Variants in DISP3 observed in about 807,000 individuals in gnomAD.
DISP3 encodes dispatched RND transporter family member 3.
A neutral mutation model predicts 135.3 loss-of-function variants in DISP3; 101 were observed. The ratio of observed to expected loss-of-function variants is 0.75; its 90% confidence interval spans 0.64 to 0.88. The LOEUF (loss-of-function observed/expected upper bound fraction) is 0.88. DISP3 is among the 40% of genes least tolerant of loss of function. DISP3 has a pLI of 0.00. For synonymous variants in DISP3, 856 were observed against 817.0 expected, an observed-to-expected ratio of 1.05 and a Z score of -0.81; for missense variants, 1,713 against 1,878.6, an observed-to-expected ratio of 0.91 and a Z score of 1.63.
Position 11,534,551 on chromosome 1 carries a change from GCCTCGCCCCTCCAT to G in DISP3, c.3535+15_3535+28del. 2 of 1,595,456 alleles carry G rather than the reference GCCTCGCCCCTCCAT, an allele frequency of 1.3e-6. No homozygotes were observed. The highest frequency in any genetic ancestry group is 1.7e-6 in the Non-Finnish European group (2 of 1,169,814). On this transcript the variant is annotated intron_variant, in intron 18 of 20. Coordinates refer to ENST00000294484, the MANE Select transcript of DISP3 (RefSeq NM_020780.2). ...TCATGGAAATCGTAGGCAAGCGGCA[GCCTCGCCCCTCCAT>G]CCTGGGTGGGCAGGAGGCAGAGGGA...
rs776043959 is a variant in DISP3, at chr1:11,523,929, C to T, written c.2363-13C>T. On this transcript the variant is annotated splice_polypyrimidine_tract_variant and intron_variant, in intron 10 of 20. Coordinates refer to ENST00000294484, the MANE Select transcript of DISP3 (RefSeq NM_020780.2). ...TGCTGTCCTGCTGTCCTTGACATGG[C>T]GCTGGGGGGCAGGTCTGTTCCAGGA... is the stretch of plus-strand genomic sequence containing the variant. 6.2e-6 allele frequency: 10 copies of T among 1,603,006 alleles called. No homozygotes were observed. Among genetic ancestry groups the T allele is most frequent in the African/African-American group, 2.7e-5 (2 of 74,744 alleles).
intron 1 of DISP3, among the ~76,000 whole-genome samples, chr1:11,497,740 A>G (rs1033365267): frequency 1.3e-5 from 2 of 152,178 alleles, no homozygotes; most frequent in African/African-American, 2.4e-5. Context: ...CCCACGTATC[A>G]GTGAGAACAT....
chr1:11,527,608 G>GTC (rs894284467), intron 13 of DISP3, among the ~76,000 whole-genome samples: 10 of 151,944 alleles, frequency 6.6e-5, no homozygotes, highest in Non-Finnish European at 1.5e-4. Flanking sequence ...GCTCAGATGG[G>GTC]TCTCTGCCCA....
intron 3 of DISP3, among the ~76,000 whole-genome samples, chr1:11,505,045 A>G (rs1641658020): frequency 2.0e-5 from 3 of 152,236 alleles, no homozygotes; most frequent in Admixed American, 2.0e-4. Context: ...GTTTTATCAC[A>G]GTGCTTCTCA....
At position 11,501,743 on chromosome 1, in the gene DISP3, C is replaced by T. The variant is rs781482486; in HGVS notation, c.751C>T (p.Arg251Ter). Residue 251 changes from arginine (R) to a stop codon, truncating the protein, a stop_gained, in exon 2 of 21, where the codon CGA becomes TGA. Coordinates refer to ENST00000294484, the MANE Select transcript of DISP3 (RefSeq NM_020780.2). LOFTEE classifies it high-confidence loss of function. This position sits in a 1 kb window ranked among gnomAD's most constrained non-coding sequence, Gnocchi z 4.9. ...AVAANQSRAR[R>*]GASRWDYSRA... Reference sequence around the variant, plus strand: ...CGCGGCCAATCAGAGCCGTGCCCGCCGAGGCGCCTCGCGCTGGGACTACTC... The same window carrying T: ...CGCGGCCAATCAGAGCCGTGCCCGCTGAGGCGCCTCGCGCTGGGACTACTC... 6.3e-7 allele frequency: 1 copy of T among 1,591,460 alleles called. No homozygotes were observed. The highest frequency in any genetic ancestry group is 8.6e-7 in the Non-Finnish European group (1 of 1,167,344).
Position 11,536,244 on chromosome 1 carries a change from T to C in DISP3, c.3817-80T>C. Reference sequence around the variant, plus strand: ...AACAGAGCAGGAACCTGGCGTGGGGTGGGGGTGCGTGATTCCCCAGGTGCT... The same window carrying C: ...AACAGAGCAGGAACCTGGCGTGGGGCGGGGGTGCGTGATTCCCCAGGTGCT... On this transcript the variant is annotated intron_variant, in intron 20 of 20. Transcript: ENST00000294484. This position sits in a 1 kb window ranked among gnomAD's most constrained non-coding sequence, Gnocchi z 4.3. 1 of 1,508,624 alleles carries C rather than the reference T, an allele frequency of 6.6e-7. No individual in the cohort carries two copies. The allele number at this position is 1,508,624 out of a possible 1,614,324, so 93.5% of individuals were successfully genotyped here.
intron 1 of DISP3, among the ~76,000 whole-genome samples, chr1:11,488,458 A>G (rs1641096215): frequency 6.6e-6 from 1 of 152,184 alleles, no homozygotes; most frequent in African/African-American, 2.4e-5. Context: ...GGGAGCCAGG[A>G]AGCCTTCCCT....
chr1:11,522,922 AAGGACCCAGCC>A (rs1315840465), intron 10 of DISP3, among the ~76,000 whole-genome samples: 3 of 22,644 alleles, frequency 1.3e-4, no homozygotes, highest in Admixed American at 4.0e-4. Context: ...AGGACCCAGC[AAGGACCCAGCC>A]AGGACCCAGC....
At chr1:11,497,316 T>C (rs951958487) in intron 1 of DISP3, among the ~76,000 whole-genome samples, 2 of 152,204 alleles carry the variant, frequency 1.3e-5, no homozygotes, top group Non-Finnish European at 2.9e-5. Flanking sequence ...CCAAGCAGTA[T>C]ACACTGCACC....
Position 11,501,994 on chromosome 1 carries a change from G to A in DISP3, c.1002G>A (p.Ser334=). ...DLPLGSYSYC[S]PPSSLMTYFF... ...CGCTGGGCTCCTACTCCTACTGCTC[G>A]CCCCCCAGCTCGCTCATGACCTACT... Residue 334 remains serine, a synonymous_variant, in exon 2 of 21, where the codon TCG becomes TCA. Coordinates refer to ENST00000294484, the MANE Select transcript of DISP3 (RefSeq NM_020780.2). The surrounding 1 kb of genome is among the most constrained non-coding windows in gnomAD (Gnocchi z 4.9). The A allele has an allele frequency of 6.2e-7, 1 of 1,613,630 alleles. No individual in the cohort carries two copies.
chr1:11,532,452 T>G (rs1642599763), intron 17 of DISP3, among the ~76,000 whole-genome samples: 4 of 152,208 alleles, frequency 2.6e-5, no homozygotes, highest in Admixed American at 2.6e-4. Context: ...AGAATCAATG[T>G]GACGGCTTAA....
Position 11,530,990 on chromosome 1 carries a change from C to G in DISP3, c.3186C>G (p.Asn1062Lys). 6.2e-7 allele frequency: 1 copy of G among 1,614,000 alleles called. No homozygotes were observed. The highest frequency in any genetic ancestry group is 8.5e-7 in the Non-Finnish European group (1 of 1,179,990). ...ACCTCTGCAAGGCCATCGCAGCCAA[C>G]TCCGAGCTGGTGAAGCCGGGTGGGG... ...LCHLCKAIAA[N>K]SELVKPGGAQ... Residue 1062 changes from asparagine to lysine, a missense_variant, in exon 16 of 21, where the codon AAC (asparagine) becomes AAG (lysine). Asn to Lys is a moderately conservative substitution (Grantham distance 94). Transcript: ENST00000294484.
chr1:11,517,858 G>C (rs1185200923), intron 7 of DISP3, among the ~76,000 whole-genome samples: 1 of 152,184 alleles, frequency 6.6e-6, no homozygotes, highest in East Asian at 1.9e-4. Context: ...TGGGAGCTGG[G>C]TTCTCTTGCT....
Position 11,535,664 on chromosome 1 carries a change from T to A in DISP3, c.3816+20T>A. On this transcript the variant is annotated intron_variant, in intron 20 of 20. Transcript: ENST00000294484. ...GCCGAGGTGCGCACCCTGCCCGCCTTACCCACTTCCCACCACATTGGGTCT... is the reference window on the plus strand; with the variant it reads ...GCCGAGGTGCGCACCCTGCCCGCCTAACCCACTTCCCACCACATTGGGTCT... The A allele has an allele frequency of 1.9e-6, 3 of 1,601,740 alleles. No individual in the cohort carries two copies. The highest frequency in any genetic ancestry group is 2.6e-6 in the Non-Finnish European group (3 of 1,175,136).
At chr1:11,526,944 C>CA in intron 13 of DISP3, 109 bp downstream of exon 13, 3 of 1,024,278 alleles carry the variant, frequency 2.9e-6, no homozygotes, top group Non-Finnish European at 4.0e-6. Flanking sequence ...GGCCCCCTCA[C>CA]TTTTTTTTTT....
intron 19 of DISP3, 26 bp from the exon 20 acceptor site, chr1:11,535,452 C>T: frequency 6.3e-7 from 1 of 1,584,450 alleles, no homozygotes; most frequent in Non-Finnish European, 8.6e-7. Flanking sequence ...GGGATCCGAG[C>T]TGCCCCCCCT....
At chr1:11,480,166 T>C (rs1181956063) in intron 1 of DISP3, among the ~76,000 whole-genome samples, 1 of 152,150 alleles carries the variant, frequency 6.6e-6, no homozygotes, top group Admixed American at 6.5e-5. Context: ...GCTTCTCTTC[T>C]CGGCCTCTGC....
chr1:11,523,072 G>C (rs543778909), intron 10 of DISP3, among the ~76,000 whole-genome samples: 1 of 152,212 alleles, frequency 6.6e-6, no homozygotes, highest in Admixed American at 6.5e-5. Context: ...AGAGTGCTTC[G>C]GCTTTACAAA....
chr1:11,494,889 G>A (rs1033959115), intron 1 of DISP3, among the ~76,000 whole-genome samples: 5 of 152,152 alleles, frequency 3.3e-5, no homozygotes, highest in Non-Finnish European at 1.5e-5. Flanking sequence ...CTTTGCCAGA[G>A]GAGGGAAGTT....
Sources: allele counts gnomAD v4.1 joint callset (sites outside exome capture counted in the v4.1 genomes callset), GRCh38; gene constraint gnomAD v4.1.1; non-coding constraint Gnocchi (gnomAD v3.1); transcripts MANE v1.5; gene names NCBI Gene and HGNC (gene_info 2026-07-23, HGNC 2026-07-21).